ZFAT: variants seen among roughly 807,000 people sequenced by gnomAD.
The protein encoded by ZFAT is zinc finger and AT-hook domain containing, also known as zinc finger protein ZFAT.
In ZFAT, 64 loss-of-function variants were observed where a neutral mutation model predicts 117.7. The ratio of observed to expected loss-of-function variants is 0.54; its 90% CI spans 0.44 to 0.67. ZFAT has a LOEUF of 0.67. Among genes scored for constraint, ZFAT ranks in the 30% least tolerant of loss-of-function variants. The pLI, the probability that ZFAT is intolerant of heterozygous loss-of-function variation, is 0.00. For missense variants in ZFAT, 1,433 were observed against 1,584.5 expected (o/e 0.90, Z 1.62); for synonymous variants, 679 against 615.0 (o/e 1.10, Z -1.54).
intron 11 of ZFAT, 39 bp from the exon 12 acceptor site, chr8:134,533,011 C>T (rs1413494876): frequency 6.4e-7 from 1 of 1,572,636 alleles, no homozygotes; most frequent in Admixed American, 1.9e-5. Context: ...AAGGTGAGCC[C>T]CAGATGTCTG....
intron 1 of ZFAT, among the ~76,000 whole-genome samples, chr8:134,669,606 TA>T (rs1832445974): frequency 6.6e-6 from 1 of 152,130 alleles, no homozygotes; most frequent in South Asian, 2.1e-4. Flanking sequence ...AAGGAAGCAC[TA>T]AACATAGAAA....
intron 5 of ZFAT, 24 bp downstream of exon 5, chr8:134,608,705 G>A (rs1290801876): frequency 6.2e-7 from 1 of 1,603,700 alleles, no homozygotes; most frequent in Non-Finnish European, 8.5e-7. Flanking sequence ...TCTGGCTGAA[G>A]TTACACAGAA....
intron 1 of ZFAT, among the ~76,000 whole-genome samples, chr8:134,696,728 A>AG (rs200279060): frequency 0.011 from 1,628 of 152,264 alleles, 25 homozygotes; most frequent in African/African-American, 0.038. Context: ...CAGCACTCCG[A>AG]GGGGGTGTGG....
intron 14 of ZFAT, chr8:134,510,702 A>G (rs1464090883): frequency 6.5e-6 from 1 of 153,920 alleles, no homozygotes; most frequent in Non-Finnish European, 1.4e-5. Flanking sequence ...TTACCTGTGC[A>G]ACTTACTGAG....
upstream of ZFAT, among the ~76,000 whole-genome samples, chr8:134,713,242 G>T (rs1332542702): frequency 2.0e-5 from 3 of 152,358 alleles, no homozygotes; most frequent in East Asian, 3.9e-4. Flanking sequence ...GAGGTCCGGA[G>T]CGCGGATCTC....
intron 1 of ZFAT, among the ~76,000 whole-genome samples, chr8:134,668,031 G>A (rs1004679991): frequency 2.0e-5 from 3 of 152,218 alleles, no homozygotes; most frequent in South Asian, 2.1e-4. Flanking sequence ...GTCTGAGATC[G>A]AACTGCAAGG....
chr8:134,496,710 TGG>T (rs1216332331), intron 15 of ZFAT, among the ~76,000 whole-genome samples: 7 of 152,206 alleles, frequency 4.6e-5, no homozygotes, highest in Non-Finnish European at 1.0e-4. Flanking sequence ...TCCAGTTTGC[TGG>T]GGGGAAAAGC....
At chr8:134,624,799 A>C (rs953163346) in intron 3 of ZFAT, among the ~76,000 whole-genome samples, 1 of 152,230 alleles carries the variant, frequency 6.6e-6, no homozygotes, top group Admixed American at 6.5e-5. Context: ...TTGAATTGGA[A>C]GCAGGCAACT....
At chr8:134,521,380 T>C (rs942372654) in intron 12 of ZFAT, among the ~76,000 whole-genome samples, 1 of 152,124 alleles carries the variant, frequency 6.6e-6, no homozygotes, top group Admixed American at 6.5e-5. Flanking sequence ...ACGAGAACAA[T>C]GGAAAGGGAG....
At chr8:134,812,036 C>G in the ZFAT span, among the ~76,000 whole-genome samples, 1 of 151,992 alleles carries the variant, frequency 6.6e-6, no homozygotes, top group Non-Finnish European at 1.5e-5. Flanking sequence ...CCCAGCTACT[C>G]GAGAAGCTGA....
At chr8:134,664,908 C>T (rs560864047) in intron 1 of ZFAT, among the ~76,000 whole-genome samples, 28 of 152,306 alleles carry the variant, frequency 1.8e-4, no homozygotes, top group Admixed American at 1.3e-3. Flanking sequence ...AAGAAAATCA[C>T]GAAAGTTTGG....
At position 134,509,764 on chromosome 8, in the gene ZFAT, G is replaced by C. The variant is rs753475371; in HGVS notation, c.3362-15C>G. 6 of 1,587,136 alleles carry C rather than the reference G, an allele frequency of 3.8e-6. No homozygotes were observed. In the African/African-American group the frequency reaches 5.5e-5, roughly 14 times the overall value. ...CAGTCGGTCGCCTTAAGAGGAAGAA[G>C]CAAAGAGGACACCATTCAGGCCACT... is the stretch of plus-strand genomic sequence containing the variant. On this transcript the variant is annotated splice_polypyrimidine_tract_variant and intron_variant, in intron 14 of 15. Coordinates refer to ENST00000377838, the MANE Select transcript of ZFAT (RefSeq NM_020863.4).
At chr8:134,600,118 A>T in intron 7 of ZFAT, 2 of 395,518 alleles carry the variant, frequency 5.1e-6, no homozygotes, top group Non-Finnish European at 9.3e-6. Context: ...GCTATTAATT[A>T]TTCTTTAAAA....
At chr8:134,740,912 T>C in the ZFAT span, among the ~76,000 whole-genome samples, 1 of 152,220 alleles carries the variant, frequency 6.6e-6, no homozygotes, top group African/African-American at 2.4e-5. Context: ...CAGATCCAGC[T>C]TGTCAACACC....
At chr8:134,741,343 A>G in the ZFAT span, among the ~76,000 whole-genome samples, 1 of 151,996 alleles carries the variant, frequency 6.6e-6, no homozygotes, top group Non-Finnish European at 1.5e-5. Flanking sequence ...AGGCTCTCCA[A>G]CAACCTTCTG....
chr8:134,704,183 G>A lies in ZFAT; in HGVS notation c.19+8662C>T, dbSNP rs965254728. 1.5e-4 allele frequency among the ~76,000 whole-genome samples: 23 copies of A among 152,258 alleles called. 2 individuals are homozygous for A. The highest frequency in any genetic ancestry group is 1.2e-3 in the South Asian group (6 of 4,824). ...TGGTTCCCTGTGGGGCTCTCTCCCC[G>A]AGGAAGGGTCTTCCCAAGATGCTTC... On this transcript the variant is annotated intron_variant, in intron 1 of 15. Transcript: ENST00000377838.
At chr8:134,675,451 T>A (rs1781909122) in intron 1 of ZFAT, among the ~76,000 whole-genome samples, 1 of 152,138 alleles carries the variant, frequency 6.6e-6, no homozygotes, top group South Asian at 2.1e-4. Flanking sequence ...AATATGGGAC[T>A]ACGTGAAAAG....
chr8:134,604,663 T>A (rs941378790), intron 5 of ZFAT, among the ~76,000 whole-genome samples: 5 of 152,256 alleles, frequency 3.3e-5, no homozygotes, highest in Non-Finnish European at 7.3e-5. Context: ...ACTCTCACTG[T>A]AAAGTCTATA....
chr8:134,818,524 G>A, the ZFAT span, among the ~76,000 whole-genome samples: 1 of 152,186 alleles, frequency 6.6e-6, no homozygotes, highest in Admixed American at 6.5e-5. Flanking sequence ...AAAACCACTG[G>A]CAGTTTAAGA....
Sources: gnomAD v4.1 joint callset for allele counts (sites outside exome capture counted in the v4.1 genomes callset) on GRCh38, gnomAD v4.1.1 for gene constraint, MANE v1.5 for transcripts, NCBI Gene and HGNC (gene_info 2026-07-23, HGNC 2026-07-21) for gene names.